The following AFG1L variants were observed in gnomAD, a reference collection of about 807,000 sequenced individuals.
AFG1L encodes the protein AFG1-like ATPase.
AFG1L carries 53 observed loss-of-function variants against 62.2 expected under a neutral mutation model. That is an observed-to-expected ratio of 0.85 (90% CI 0.68 to 1.07). The LOEUF is 1.07. Among genes scored for constraint, AFG1L ranks in the 50% least tolerant of loss-of-function variants. The pLI, the probability that AFG1L is intolerant of heterozygous loss-of-function variation, is 0.00. For synonymous variants in AFG1L, 228 were observed against 210.3 expected (o/e 1.08, Z -0.73); for missense variants, 555 against 590.5 (o/e 0.94, Z 0.62).
intron 10 of AFG1L, among the ~76,000 whole-genome samples, chr6:108,485,035 CATG>C (rs1244758337): frequency 1.3e-5 from 2 of 152,042 alleles, no homozygotes; most frequent in Non-Finnish European, 2.9e-5. Context: ...TGAACGTTTC[CATG>C]ATGAAAAGGG....
chr6:108,510,084 G>A (rs986818171), intron 10 of AFG1L, 128 bp from the exon 11 acceptor site: 11 of 643,792 alleles, frequency 1.7e-5, no homozygotes, highest in East Asian at 2.9e-5. Flanking sequence ...GGGTAACTTG[G>A]TCAAGTTACC....
At chr6:108,330,265 C>T (rs1463755394) in intron 2 of AFG1L, among the ~76,000 whole-genome samples, 1 of 151,118 alleles carries the variant, frequency 6.6e-6, no homozygotes, top group African/African-American at 2.4e-5. Flanking sequence ...TGGCAGCCTC[C>T]CCCGGGTTCA....
At chr6:108,347,914 G>A (rs532703844) in intron 3 of AFG1L, among the ~76,000 whole-genome samples, 6 of 151,884 alleles carry the variant, frequency 4.0e-5, no homozygotes, top group Non-Finnish European at 8.8e-5. Context: ...CACATGTAAC[G>A]AGGTCAGTTT....
intron 6 of AFG1L, among the ~76,000 whole-genome samples, chr6:108,381,853 C>T (rs1410236937): frequency 6.6e-6 from 1 of 152,102 alleles, no homozygotes; most frequent in Non-Finnish European, 1.5e-5. Context: ...AATAGAAATA[C>T]ATTTTTATGG....
chr6:108,358,861 G>A (rs1044769377), intron 5 of AFG1L, among the ~76,000 whole-genome samples: 7 of 152,158 alleles, frequency 4.6e-5, no homozygotes, highest in Admixed American at 6.5e-5. Context: ...TGGCATAAGC[G>A]TATTGGAAGG....
At chr6:108,297,201 G>C (rs1776796274) in intron 1 of AFG1L, among the ~76,000 whole-genome samples, 1 of 152,052 alleles carries the variant, frequency 6.6e-6, no homozygotes, top group Non-Finnish European at 1.5e-5. Context: ...CCACCTCCTG[G>C]ATTCAAGCAA....
At chr6:108,442,139 A>G (rs1283156259) in intron 7 of AFG1L, among the ~76,000 whole-genome samples, 1 of 151,844 alleles carries the variant, frequency 6.6e-6, no homozygotes, top group Non-Finnish European at 1.5e-5. Flanking sequence ...GGTTTTTCTC[A>G]GGGAGATTGA....
chr6:108,399,178 GTTTTTTTTTTTTT>G (rs57304886), intron 6 of AFG1L, among the ~76,000 whole-genome samples: 2 of 62,206 alleles, frequency 3.2e-5, no homozygotes, highest in East Asian at 6.0e-4. Context: ...TCTTTTGTTT[GTTTTTTTTTTTTT>G]TTTTTTTTTT....
chr6:108,483,448 T>C (rs760470072), intron 10 of AFG1L, among the ~76,000 whole-genome samples: 20 of 152,228 alleles, frequency 1.3e-4, no homozygotes, highest in Non-Finnish European at 2.5e-4. Flanking sequence ...GAGAACTCCT[T>C]GCTTTAGGCT....
chr6:108,347,493 T>C (rs1327686125), intron 3 of AFG1L, among the ~76,000 whole-genome samples: 2 of 152,222 alleles, frequency 1.3e-5, no homozygotes, highest in African/African-American at 4.8e-5. Context: ...TAGTTGACAG[T>C]AGATACTCTT....
At chr6:108,496,661 T>A (rs1277228127) in intron 10 of AFG1L, among the ~76,000 whole-genome samples, 1 of 152,218 alleles carries the variant, frequency 6.6e-6, no homozygotes, top group Non-Finnish European at 1.5e-5. Flanking sequence ...TTTTTCTACA[T>A]CATTATTTTG....
intron 7 of AFG1L, among the ~76,000 whole-genome samples, chr6:108,437,192 C>T (rs1374058435): frequency 1.3e-5 from 2 of 152,132 alleles, no homozygotes; most frequent in African/African-American, 4.8e-5. Flanking sequence ...TCTGGGGGGA[C>T]ACAAATATTT....
At chr6:108,389,517 A>G (rs1186375116) in intron 6 of AFG1L, among the ~76,000 whole-genome samples, 1 of 152,148 alleles carries the variant, frequency 6.6e-6, no homozygotes, top group Non-Finnish European at 1.5e-5. Context: ...GGCTAGTACC[A>G]GTTGTTCCTT....
chr6:108,518,156 T>C (rs1774976717), intron 11 of AFG1L, among the ~76,000 whole-genome samples: 1 of 152,200 alleles, frequency 6.6e-6, no homozygotes, highest in Admixed American at 6.5e-5. Flanking sequence ...TTACTGGGTA[T>C]ACACCCAAAG....
At chr6:108,517,549 C>G (rs918851335) in intron 11 of AFG1L, among the ~76,000 whole-genome samples, 18 of 152,120 alleles carry the variant, frequency 1.2e-4, no homozygotes, top group African/African-American at 4.3e-4. Context: ...CCATAAAAAC[C>G]TTAGAAGAAA....
intron 1 of AFG1L, among the ~76,000 whole-genome samples, chr6:108,298,056 T>C (rs143612346): frequency 0.012 from 1,791 of 152,194 alleles, 14 homozygotes; most frequent in Middle Eastern, 0.027. Flanking sequence ...GTCTTTATTT[T>C]ATAGATGAAT....
chr6:108,403,226 A>G (rs1190308339), intron 7 of AFG1L, among the ~76,000 whole-genome samples: 1 of 152,208 alleles, frequency 6.6e-6, no homozygotes, highest in Non-Finnish European at 1.5e-5. Flanking sequence ...ATAATTTTAG[A>G]TAAATACTTT....
intron 2 of AFG1L, among the ~76,000 whole-genome samples, chr6:108,337,523 C>G (rs1396444919): frequency 3.3e-5 from 5 of 152,072 alleles, no homozygotes; most frequent in African/African-American, 1.2e-4. Context: ...CAGTACATGC[C>G]CATAAATGCT....
chr6:108,313,566 C>T (rs1429094894), intron 1 of AFG1L, among the ~76,000 whole-genome samples: 16 of 152,138 alleles, frequency 1.1e-4, no homozygotes, highest in Non-Finnish European at 2.2e-4. Context: ...AAGACAGGGT[C>T]TCACTCTGTT....
Sources: gnomAD v4.1 joint callset for allele counts (sites outside exome capture counted in the v4.1 genomes callset) on GRCh38, gnomAD v4.1.1 for gene constraint, MANE v1.5 for transcripts, NCBI Gene and HGNC (gene_info 2026-07-23, HGNC 2026-07-21) for gene names.